The following WWOX variants were observed in gnomAD, a reference collection of about 807,000 sequenced individuals.
WWOX encodes the protein WW domain-containing oxidoreductase.
A neutral mutation model predicts 46.2 loss-of-function variants in WWOX; 69 were observed. The observed-to-expected ratio is 1.49, with a 90% CI of 1.23 to 1.82. WWOX has a LOEUF of 1.82. Ranked by LOEUF, WWOX falls within the 40% of genes most tolerant of loss-of-function variation. The probability of loss-of-function intolerance (pLI) is 0.00; values close to 1 mark genes in which losing one functional copy is unlikely to be tolerated. For missense variants in WWOX, 919 were observed against 542.6 expected (o/e 1.69, Z -6.89); for synonymous variants, 359 against 202.6 (o/e 1.77, Z -6.56).
At chr16:78,773,024 C>T (rs998009674) in intron 8 of WWOX, among the ~76,000 whole-genome samples, 2 of 152,106 alleles carry the variant, frequency 1.3e-5, no homozygotes, top group East Asian at 3.9e-4. Context: ...GTTTTGCAGA[C>T]CTTGTCTCCA....
At chr16:79,146,871 C>A (rs1251059195) in intron 8 of WWOX, among the ~76,000 whole-genome samples, 1 of 152,158 alleles carries the variant, frequency 6.6e-6, no homozygotes, top group Admixed American at 6.6e-5. Flanking sequence ...GGCACCTTCG[C>A]TTGTACTTCT....
At chr16:78,829,820 C>T (rs999152419) in intron 8 of WWOX, among the ~76,000 whole-genome samples, 5 of 152,132 alleles carry the variant, frequency 3.3e-5, no homozygotes, top group African/African-American at 1.2e-4. Flanking sequence ...TTCCAGAGCT[C>T]CTCCCTCCTG....
intron 8 of WWOX, among the ~76,000 whole-genome samples, chr16:79,168,313 C>A (rs141582619): frequency 1.8e-3 from 277 of 152,302 alleles, no homozygotes; most frequent in African/African-American, 6.4e-3. Flanking sequence ...AAACTGCTAT[C>A]CACAGTGGCT....
At chr16:78,724,833 C>A (rs532683199) in intron 8 of WWOX, among the ~76,000 whole-genome samples, 1 of 152,262 alleles carries the variant, frequency 6.6e-6, no homozygotes, top group South Asian at 2.1e-4. Flanking sequence ...AGACATATCT[C>A]CATCTGATTC....
In WWOX at chr16:78,375,834, A is replaced by G. The variant is rs141318357; in HGVS notation, c.517-11026A>G. Among the ~76,000 whole-genome samples, 572 of 151,172 alleles carry G rather than the reference A, an allele frequency of 3.8e-3. 1 individual carries two copies. Among genetic ancestry groups the G allele is most frequent in the African/African-American group, 0.013 (547 of 41,110 alleles). On this transcript the variant is annotated intron_variant, in intron 5 of 8. Coordinates refer to ENST00000566780, the MANE Select transcript of WWOX (RefSeq NM_016373.4). ...ATAAAATAATATTACCGGAGAAACA[A>G]TGAGTAACATGTATAGGATTTTTTT...
Position 78,718,092 on chromosome 16 carries a change from G to GTTTTTTTTTTTTTTTATTTTT in WWOX, c.1056+285342_1056+285343insTTTTTTTTTTTTTATTTTTTT. Among the ~76,000 whole-genome samples the GTTTTTTTTTTTTTTTATTTTT allele has an allele frequency of 1.0e-4, 14 of 139,668 alleles. No homozygotes were observed. In the South Asian group the frequency reaches 2.0e-3, roughly 20 times the overall value. 91.6% of individuals were successfully genotyped at this position (139,668 alleles called of 152,430 possible). A position where few individuals can be genotyped will look rare whatever the true frequency, so the allele number is the denominator to read the frequency against. On this transcript the variant is annotated intron_variant, in intron 8 of 8. Transcript: ENST00000566780. ...GGATTTCAAACAAGGGGTTCTGGTGGTTGTATTTTTGCCTCAACGGTTATT... is the reference window on the plus strand; with the variant it reads ...GGATTTCAAACAAGGGGTTCTGGTGGTTTTTTTTTTTTTTTATTTTTTTGTATTTTTGCCTCAACGGTTATT...
chr16:78,677,067 T>A (rs1597432053), intron 8 of WWOX, among the ~76,000 whole-genome samples: 2 of 149,638 alleles, frequency 1.3e-5, no homozygotes, highest in Admixed American at 6.8e-5. Flanking sequence ...TTTTTTTTTT[T>A]AATGAACCAT....
intron 5 of WWOX, among the ~76,000 whole-genome samples, chr16:78,240,056 A>T (rs1469827861): frequency 6.6e-6 from 1 of 152,164 alleles, no homozygotes; most frequent in African/African-American, 2.4e-5. Flanking sequence ...ATCCACACCC[A>T]CACAGAATCA....
At chr16:78,663,559 T>C (rs2047264886) in intron 8 of WWOX, among the ~76,000 whole-genome samples, 1 of 152,204 alleles carries the variant, frequency 6.6e-6, no homozygotes, top group Admixed American at 6.5e-5. Flanking sequence ...TGAGTAATGC[T>C]GCTATGAACA....
rs2051790961 is a variant in WWOX, at chr16:79,212,281, CTG to C, written c.*486_*487del. ...ATTGTTTCATTCATCCTGACCAAGACTGAGCCAGCTTAGCAACTGCTGGGGAG... is the reference window on the plus strand; with the variant it reads ...ATTGTTTCATTCATCCTGACCAAGACAGCCAGCTTAGCAACTGCTGGGGAG... On this transcript the variant is annotated 3_prime_UTR_variant, in exon 9 of 9. Transcript: ENST00000566780. The C allele has an allele frequency of 1.7e-6, 2 of 1,171,100 alleles. No homozygotes were observed. The highest frequency in any genetic ancestry group is 3.4e-5 in the South Asian group (2 of 59,402). The allele number at this position is 1,171,100 out of a possible 1,614,324, so 72.5% of individuals were successfully genotyped here. A position where few individuals can be genotyped will look rare whatever the true frequency, so the allele number is the denominator to read the frequency against.
intron 8 of WWOX, among the ~76,000 whole-genome samples, chr16:78,566,719 G>T (rs1306969627): frequency 2.0e-5 from 3 of 152,170 alleles, no homozygotes; most frequent in African/African-American, 4.8e-5. Flanking sequence ...TGACACCAAA[G>T]TGGGCTTTAC....
At position 78,102,954 on chromosome 16, in the gene WWOX, C is replaced by T. The variant is rs546527314; in HGVS notation, c.107+3069C>T. On this transcript the variant is annotated intron_variant, in intron 1 of 8. Coordinates refer to ENST00000566780, the MANE Select transcript of WWOX (RefSeq NM_016373.4). Reference sequence around the variant, plus strand: ...ACCCGCTTCCGGCTTCCTAAGCCCACCTCTGCCTCTGGCTCTGTGGGGCGT... The same window carrying T: ...ACCCGCTTCCGGCTTCCTAAGCCCATCTCTGCCTCTGGCTCTGTGGGGCGT... Among the ~76,000 whole-genome samples, 51 of 152,306 alleles carry T rather than the reference C, an allele frequency of 3.3e-4. 1 individual carries two copies. Among genetic ancestry groups the T allele is most frequent in the Non-Finnish European group, 6.6e-4 (45 of 68,024 alleles).
At chr16:78,637,603 C>T (rs2046605372) in intron 8 of WWOX, among the ~76,000 whole-genome samples, 1 of 152,190 alleles carries the variant, frequency 6.6e-6, no homozygotes, top group Non-Finnish European at 1.5e-5. Context: ...TACTCACTGA[C>T]ATCATTCCCA....
At chr16:78,830,849 C>T (rs1050809214) in intron 8 of WWOX, among the ~76,000 whole-genome samples, 2 of 152,004 alleles carry the variant, frequency 1.3e-5, no homozygotes, top group African/African-American at 4.8e-5. Context: ...GCAGAGTGTC[C>T]TTTTCTTTCT....
intron 8 of WWOX, among the ~76,000 whole-genome samples, chr16:78,900,847 G>GAA (rs71979088): frequency 7.7e-4 from 108 of 140,642 alleles, no homozygotes; most frequent in African/African-American, 2.5e-3. Context: ...GCCTTTTTTT[G>GAA]AAAAAAAAAA....
chr16:78,765,915 AT>A (rs1184263508), intron 8 of WWOX, among the ~76,000 whole-genome samples: 1 of 152,286 alleles, frequency 6.6e-6, no homozygotes, highest in East Asian at 1.9e-4. Flanking sequence ...TTCCATGCCC[AT>A]TGGTGTGAGG....
chr16:78,975,331 G>T (rs1432531088), intron 8 of WWOX, among the ~76,000 whole-genome samples: 1 of 152,244 alleles, frequency 6.6e-6, no homozygotes. Context: ...GATTTCTGGG[G>T]GTAGAGGCCG....
chr16:78,789,727 A>T (rs903562852), intron 8 of WWOX, among the ~76,000 whole-genome samples: 1 of 152,210 alleles, frequency 6.6e-6, no homozygotes. Flanking sequence ...TTGAACAGTC[A>T]TCAGCTCTTG....
chr16:78,563,838 A>T (rs1451376645), intron 8 of WWOX, among the ~76,000 whole-genome samples: 2 of 152,116 alleles, frequency 1.3e-5, no homozygotes, highest in African/African-American at 4.8e-5. Flanking sequence ...GCACTGTGAA[A>T]TTGTAGATCT....
Sources: allele counts gnomAD v4.1 joint callset (sites outside exome capture counted in the v4.1 genomes callset), GRCh38; gene constraint gnomAD v4.1.1; transcripts MANE v1.5; gene names NCBI Gene and HGNC (gene_info 2026-07-23, HGNC 2026-07-21).